Variants in GPR158 observed in about 807,000 individuals in gnomAD.
GPR158 encodes G protein-coupled receptor 158.
A neutral mutation model predicts 78.2 loss-of-function variants in GPR158; 30 were observed. The observed-to-expected ratio is 0.38, with a 90% CI of 0.29 to 0.52. The LOEUF is 0.52. Ranked by LOEUF, GPR158 falls within the 20% of genes least tolerant of loss-of-function variation. GPR158 has a pLI of 0.83. For missense variants in GPR158, 1,463 were observed against 1,523.5 expected (o/e 0.96, Z 0.66); for synonymous variants, 581 against 591.1 (o/e 0.98, Z 0.25).
intron 2 of GPR158, among the ~76,000 whole-genome samples, chr10:25,284,501 T>G (rs1385887061): frequency 1.3e-5 from 2 of 152,008 alleles, no homozygotes; most frequent in Non-Finnish European, 2.9e-5. Flanking sequence ...ATCTTTAACA[T>G]ATCTATGTTT....
At chr10:25,429,660 C>A (rs1210466179) in intron 4 of GPR158, among the ~76,000 whole-genome samples, 2 of 151,016 alleles carry the variant, frequency 1.3e-5, no homozygotes, top group South Asian at 2.1e-4. Context: ...AGCTTATCCA[C>A]CATGATCAAG....
intron 2 of GPR158, among the ~76,000 whole-genome samples, chr10:25,289,128 G>A (rs1297591433): frequency 2.0e-5 from 3 of 152,198 alleles, no homozygotes; most frequent in Admixed American, 6.5e-5. Context: ...ACTGCATGGT[G>A]TATGAAGATC....
intron 2 of GPR158, among the ~76,000 whole-genome samples, chr10:25,270,487 C>A (rs1025283548): frequency 2.0e-5 from 3 of 152,098 alleles, no homozygotes; most frequent in Non-Finnish European, 4.4e-5. Context: ...GGCAACAAAG[C>A]AAATGGTTTG....
At chr10:25,307,530 T>C (rs1277529463) in intron 2 of GPR158, among the ~76,000 whole-genome samples, 1 of 151,926 alleles carries the variant, frequency 6.6e-6, no homozygotes, top group East Asian at 1.9e-4. Flanking sequence ...ACTACAGGCA[T>C]GTGCCACAAT....
At chr10:25,527,103 CAT>C (rs10573415) in intron 5 of GPR158, among the ~76,000 whole-genome samples, 78,743 of 151,844 alleles carry the variant, frequency 0.52, 21,204 homozygotes, top group African/African-American at 0.68. Flanking sequence ...CAATTCTAAA[CAT>C]ATATGCACAT....
chr10:25,246,917 T>G (rs1853699777), intron 2 of GPR158, among the ~76,000 whole-genome samples: 1 of 152,206 alleles, frequency 6.6e-6, no homozygotes, highest in Admixed American at 6.5e-5. Flanking sequence ...GTATGCTTAT[T>G]AACAGGTATT....
intron 2 of GPR158, among the ~76,000 whole-genome samples, chr10:25,302,322 A>G (rs1012691358): frequency 9.3e-5 from 14 of 151,170 alleles, no homozygotes; most frequent in Non-Finnish European, 1.5e-5. Flanking sequence ...CTGACTTCAC[A>G]ATCCGCCGGC....
At chr10:25,261,113 A>G (rs1282551350) in intron 2 of GPR158, among the ~76,000 whole-genome samples, 3 of 152,120 alleles carry the variant, frequency 2.0e-5, no homozygotes, top group Non-Finnish European at 4.4e-5. Context: ...AAAAATCCTG[A>G]TGCTCGGGCC....
chr10:25,503,063 A>G (rs2130660015), intron 5 of GPR158, among the ~76,000 whole-genome samples: 1 of 152,254 alleles, frequency 6.6e-6, no homozygotes, highest in Admixed American at 6.5e-5. Context: ...AGGAAAATCT[A>G]GGAATATATA....
At chr10:25,558,635 G>A (rs1836819423) in intron 6 of GPR158, among the ~76,000 whole-genome samples, 3 of 152,148 alleles carry the variant, frequency 2.0e-5, no homozygotes, top group East Asian at 1.9e-4. Context: ...CCTGGCTGCC[G>A]CTTACTCTGG....
At chr10:25,373,189 C>T (rs1054860438) in intron 2 of GPR158, among the ~76,000 whole-genome samples, 4 of 151,822 alleles carry the variant, frequency 2.6e-5, no homozygotes, top group Non-Finnish European at 4.4e-5. Context: ...AGCAAAATAA[C>T]ACAGGAACAA....
intron 5 of GPR158, among the ~76,000 whole-genome samples, chr10:25,500,171 C>T (rs926640522): frequency 2.0e-5 from 3 of 152,134 alleles, no homozygotes; most frequent in African/African-American, 4.8e-5. Context: ...GAGGAAGATA[C>T]GACAGATGTG....
intron 5 of GPR158, among the ~76,000 whole-genome samples, chr10:25,524,071 C>T (rs1483928151): frequency 2.6e-5 from 4 of 151,814 alleles, no homozygotes; most frequent in African/African-American, 7.3e-5. Context: ...GAAACAATTC[C>T]ATTAGAAAAA....
At chr10:25,379,465 G>C (rs1176561686) in intron 2 of GPR158, among the ~76,000 whole-genome samples, 2 of 152,132 alleles carry the variant, frequency 1.3e-5, no homozygotes, top group Non-Finnish European at 2.9e-5. Context: ...TACAGAGGCT[G>C]TCATTGAGAA....
intron 2 of GPR158, among the ~76,000 whole-genome samples, chr10:25,296,382 C>T (rs1854514075): frequency 6.6e-6 from 1 of 152,094 alleles, no homozygotes; most frequent in Admixed American, 6.6e-5. Flanking sequence ...GTATCAACAG[C>T]ATCTGCTACA....
rs143704396 is a variant in GPR158 at position 25,474,922 on chromosome 10, A to G, written c.1404+8203A>G. 1.8e-4 allele frequency among the ~76,000 whole-genome samples: 27 copies of G among 152,230 alleles called. No individual in the cohort carries two copies. In the East Asian group the frequency reaches 4.6e-3, roughly 26 times the overall value. ...AGTTAGGCAATAAAAACACTTTCTCATGTTATTTTTGGGACTTAGCAGAAG... is the reference window on the plus strand; with the variant it reads ...AGTTAGGCAATAAAAACACTTTCTCGTGTTATTTTTGGGACTTAGCAGAAG... On this transcript the variant is annotated intron_variant, in intron 5 of 10. Coordinates refer to ENST00000376351, the MANE Select transcript of GPR158 (RefSeq NM_020752.3).
chr10:25,390,930 G>C (rs2130521208), intron 2 of GPR158, among the ~76,000 whole-genome samples: 1 of 152,262 alleles, frequency 6.6e-6, no homozygotes, highest in East Asian at 1.9e-4. Flanking sequence ...CTGGCTCCAG[G>C]GCTCCCCTGC....
intron 5 of GPR158, among the ~76,000 whole-genome samples, chr10:25,507,207 G>A (rs181392072): frequency 2.6e-4 from 39 of 152,220 alleles, no homozygotes; most frequent in Middle Eastern, 3.4e-3. Flanking sequence ...AAAATCATAT[G>A]GCTGTTCCTA....
chr10:25,420,458 T>G (rs1035447311), intron 4 of GPR158, among the ~76,000 whole-genome samples: 2 of 152,108 alleles, frequency 1.3e-5, no homozygotes, highest in African/African-American at 4.8e-5. Context: ...TGGCCCCCAG[T>G]GTCTTTAATT....
Sources: allele counts gnomAD v4.1 joint callset (sites outside exome capture counted in the v4.1 genomes callset), GRCh38; gene constraint gnomAD v4.1.1; transcripts MANE v1.5; gene names NCBI Gene and HGNC (gene_info 2026-07-23, HGNC 2026-07-21).